TAFA2: variants seen among roughly 807,000 people sequenced by gnomAD.
TAFA2 encodes the protein chemokine-like protein TAFA-2.
TAFA2 carries 7 observed loss-of-function variants against 18.8 expected under a neutral mutation model. The ratio of observed to expected loss-of-function variants is 0.37; its 90% CI spans 0.21 to 0.70. The LOEUF (loss-of-function observed/expected upper bound fraction) is 0.70. Ranked by LOEUF, TAFA2 falls within the 30% of genes least tolerant of loss-of-function variation. The pLI is 0.53. For missense variants in TAFA2, 122 were observed against 158.1 expected (o/e 0.77, Z 1.23); for synonymous variants, 60 against 54.2 (o/e 1.11, Z -0.47).
At chr12:61,997,167 A>ATGTGTG (rs35419865) in intron 1 of TAFA2, among the ~76,000 whole-genome samples, 4,854 of 145,568 alleles carry the variant, frequency 0.033, 92 homozygotes, top group Non-Finnish European at 0.04. Context: ...ATATGTATAT[A>ATGTGTG]TGTGTGTGTG....
chr12:62,088,539 G>T (rs1475833811), intron 1 of TAFA2, among the ~76,000 whole-genome samples: 1 of 150,644 alleles, frequency 6.6e-6, no homozygotes, highest in Non-Finnish European at 1.5e-5. Flanking sequence ...CCTGGACCAG[G>T]GAAGATTTTA....
At chr12:62,255,064 T>G (rs2062931849) in intron 1 of TAFA2, 1 of 152,198 alleles carries the variant, frequency 6.6e-6, no homozygotes, top group Non-Finnish European at 1.5e-5. Flanking sequence ...TTTTTAAACT[T>G]TCGAATGAAA....
chr12:62,104,874 T>C (rs1869376714), intron 1 of TAFA2: 1 of 310,856 alleles, frequency 3.2e-6, no homozygotes, highest in Non-Finnish European at 6.5e-6. Context: ...AACTGAGAGA[T>C]TGAGTTGCTA....
intron 2 of TAFA2, among the ~76,000 whole-genome samples, chr12:61,815,216 T>C (rs1189897009): frequency 1.3e-5 from 2 of 151,528 alleles, no homozygotes; most frequent in African/African-American, 4.9e-5. Context: ...CTATAAATTT[T>C]AACTTGAACA....
chr12:62,169,203 G>A (rs899156429), intron 1 of TAFA2, among the ~76,000 whole-genome samples: 8 of 152,134 alleles, frequency 5.3e-5, no homozygotes, highest in Non-Finnish European at 2.9e-5. Flanking sequence ...GTAGAGGAAT[G>A]TGCCTAGTTC....
intron 2 of TAFA2, among the ~76,000 whole-genome samples, chr12:61,849,185 T>G (rs1257724172): frequency 6.6e-6 from 1 of 152,158 alleles, no homozygotes; most frequent in Non-Finnish European, 1.5e-5. Context: ...CATTTTCATT[T>G]TAGGTCTTTA....
chr12:61,747,564 AG>A (rs1868782991), intron 4 of TAFA2, among the ~76,000 whole-genome samples: 1 of 150,924 alleles, frequency 6.6e-6, no homozygotes, highest in African/African-American at 2.4e-5. Context: ...TGTCCTTTGT[AG>A]GGACATGGAT....
chr12:62,218,203 C>T (rs2062744956), intron 1 of TAFA2, among the ~76,000 whole-genome samples: 1 of 151,918 alleles, frequency 6.6e-6, no homozygotes, highest in Admixed American at 6.6e-5. Flanking sequence ...TACTATGTTG[C>T]CCAGGCTGGT....
chr12:62,017,626 C>T (rs1432480481), intron 1 of TAFA2, among the ~76,000 whole-genome samples: 1 of 152,136 alleles, frequency 6.6e-6, no homozygotes, highest in South Asian at 2.1e-4. Context: ...TTCTCCACCA[C>T]TGTTTTGAAC....
intron 1 of TAFA2, among the ~76,000 whole-genome samples, chr12:62,033,030 T>C (rs1046351883): frequency 2.6e-5 from 4 of 152,132 alleles, no homozygotes; most frequent in Non-Finnish European, 5.9e-5. Context: ...GGATCTGCCC[T>C]GCATGGAAAC....
chr12:62,058,976 G>A (rs895416694), intron 1 of TAFA2, among the ~76,000 whole-genome samples: 2 of 152,044 alleles, frequency 1.3e-5, no homozygotes, highest in Non-Finnish European at 1.5e-5. Flanking sequence ...GGTGGCGGGC[G>A]CCTGTAGTCT....
At chr12:62,078,376 A>G (rs1868268982) in intron 1 of TAFA2, among the ~76,000 whole-genome samples, 1 of 151,636 alleles carries the variant, frequency 6.6e-6, no homozygotes, top group Non-Finnish European at 1.5e-5. Context: ...ATTCCCCATA[A>G]GAACTATGCA....
chr12:61,737,415 G>A (rs1392557095), intron 4 of TAFA2, among the ~76,000 whole-genome samples: 1 of 151,686 alleles, frequency 6.6e-6, no homozygotes, highest in Non-Finnish European at 1.5e-5. Context: ...CATACTGAAT[G>A]TTTATCTAAT....
At chr12:61,716,817 A>G (rs1869681766) in intron 4 of TAFA2, among the ~76,000 whole-genome samples, 1 of 152,204 alleles carries the variant, frequency 6.6e-6, no homozygotes, top group Non-Finnish European at 1.5e-5. Context: ...CTGGAAGACA[A>G]GAAAATGTGG....
chr12:62,196,981 G>T (rs1212886096), upstream of TAFA2, among the ~76,000 whole-genome samples: 1 of 152,218 alleles, frequency 6.6e-6, no homozygotes, highest in Non-Finnish European at 1.5e-5. Flanking sequence ...CACAGCAGGG[G>T]TGAGCTGTGG....
chr12:61,771,868 A>C (rs12314551), intron 2 of TAFA2, among the ~76,000 whole-genome samples: 8,481 of 150,966 alleles, frequency 0.056, 794 homozygotes, highest in African/African-American at 0.2. Flanking sequence ...AGAAGAAAAA[A>C]AAAATAACAA....
At chr12:62,179,510 C>T (rs1016888528) in intron 1 of TAFA2, among the ~76,000 whole-genome samples, 4 of 152,068 alleles carry the variant, frequency 2.6e-5, no homozygotes, top group Admixed American at 1.3e-4. Flanking sequence ...AACTGGAACT[C>T]ATTATTTTTG....
chr12:62,089,614 G>A (rs1272610198), intron 1 of TAFA2, among the ~76,000 whole-genome samples: 2 of 152,008 alleles, frequency 1.3e-5, no homozygotes, highest in African/African-American at 4.8e-5. Context: ...GACAGAGAGA[G>A]ATACAGAAAG....
At chr12:62,079,413 G>A (rs1461167320) in intron 1 of TAFA2, among the ~76,000 whole-genome samples, 1 of 151,896 alleles carries the variant, frequency 6.6e-6, no homozygotes, top group Non-Finnish European at 1.5e-5. Context: ...AGCACTTTGG[G>A]AGGCTGAGGA....
Sources: gnomAD v4.1 joint callset for allele counts (sites outside exome capture counted in the v4.1 genomes callset) on GRCh38, gnomAD v4.1.1 for gene constraint, MANE v1.5 for transcripts, NCBI Gene and HGNC (gene_info 2026-07-23, HGNC 2026-07-21) for gene names.